TLL1: variants seen among roughly 807,000 people sequenced by gnomAD.
TLL1 encodes the protein tolloid like 1, also known as tolloid-like protein 1.
In TLL1, 49 loss-of-function variants were observed where a neutral mutation model predicts 128.2. The ratio of observed to expected loss-of-function variants is 0.38; its 90% confidence interval spans 0.30 to 0.48. The LOEUF is 0.48. Among genes scored for constraint, TLL1 ranks in the 20% least tolerant of loss-of-function variants. The probability of loss-of-function intolerance (pLI) is 0.96; values close to 1 mark genes in which losing one functional copy is unlikely to be tolerated. For synonymous variants in TLL1, 454 were observed against 418.8 expected, an observed-to-expected ratio of 1.08 and a Z score of -1.03; for missense variants, 1,123 against 1,242.0, an observed-to-expected ratio of 0.90 and a Z score of 1.44.
intron 1 of TLL1, among the ~76,000 whole-genome samples, chr4:165,976,377 C>T (rs1735886868): frequency 6.6e-6 from 1 of 152,102 alleles, no homozygotes; most frequent in African/African-American, 2.4e-5. Flanking sequence ...TAGAAATAAA[C>T]TTAACAAGGC....
At chr4:166,044,514 C>A in intron 12 of TLL1, 4 of 1,158,552 alleles carry the variant, frequency 3.5e-6, no homozygotes, top group Admixed American at 2.2e-5. Flanking sequence ...CTTTTGTTAC[C>A]AAAAAAATAT....
chr4:165,934,800 C>G (rs116463316), intron 1 of TLL1, among the ~76,000 whole-genome samples: 2 of 152,020 alleles, frequency 1.3e-5, no homozygotes, highest in African/African-American at 4.8e-5. Flanking sequence ...TCACAATGGC[C>G]GTAGGATTCC....
intron 1 of TLL1, among the ~76,000 whole-genome samples, chr4:165,957,534 G>T (rs1336287566): frequency 6.6e-6 from 1 of 151,132 alleles, no homozygotes; most frequent in African/African-American, 2.4e-5. Flanking sequence ...ATAAGTTATT[G>T]GGGTACAGGT....
intron 1 of TLL1, among the ~76,000 whole-genome samples, chr4:165,980,184 C>A (rs1388556331): frequency 1.3e-5 from 2 of 151,038 alleles, no homozygotes; most frequent in Non-Finnish European, 2.9e-5. Flanking sequence ...ATATGTTGGG[C>A]AGACACTCTG....
At chr4:166,059,222 CACAT>C (rs1323199635) in intron 14 of TLL1, among the ~76,000 whole-genome samples, 2 of 151,728 alleles carry the variant, frequency 1.3e-5, no homozygotes, top group African/African-American at 2.4e-5. Context: ...CACACACACA[CACAT>C]ACACGTGCAC....
At chr4:166,090,479 C>T (rs1741713895) in intron 18 of TLL1, among the ~76,000 whole-genome samples, 1 of 151,920 alleles carries the variant, frequency 6.6e-6, no homozygotes, top group Non-Finnish European at 1.5e-5. Context: ...TAAATAAGAG[C>T]AAAGCATTCA....
chr4:165,958,114 T>C (rs1734899466), intron 1 of TLL1, among the ~76,000 whole-genome samples: 1 of 144,374 alleles, frequency 6.9e-6, no homozygotes, highest in Admixed American at 7.0e-5. Context: ...CTATCATTGT[T>C]GGACATTTGG....
chr4:166,042,181 T>C, intron 11 of TLL1, 38 bp downstream of exon 11: 1 of 1,286,856 alleles, frequency 7.8e-7, no homozygotes, highest in Non-Finnish European at 1.1e-6. Context: ...GTTCATCTTA[T>C]ATCTCAACAG....
At chr4:166,012,993 G>C (rs1265949326) in intron 7 of TLL1, among the ~76,000 whole-genome samples, 3 of 151,764 alleles carry the variant, frequency 2.0e-5, no homozygotes. Context: ...TGTCCTCAGA[G>C]TAAAAGTTAA....
chr4:165,993,776 C>T (rs1490474077), intron 3 of TLL1, among the ~76,000 whole-genome samples: 1 of 152,030 alleles, frequency 6.6e-6, no homozygotes, highest in Non-Finnish European at 1.5e-5. Context: ...GCATTTTGTT[C>T]GTGTTGTGTA....
intron 1 of TLL1, among the ~76,000 whole-genome samples, chr4:165,951,261 C>G (rs767621709): frequency 3.9e-4 from 60 of 152,158 alleles, no homozygotes; most frequent in Non-Finnish European, 6.3e-4. Flanking sequence ...TAAAATCTTA[C>G]AAACAGAGAA....
At chr4:165,913,513 G>T (rs1732640114) in intron 1 of TLL1, among the ~76,000 whole-genome samples, 1 of 152,134 alleles carries the variant, frequency 6.6e-6, no homozygotes, top group Admixed American at 6.5e-5. Flanking sequence ...AGGTATGAAG[G>T]TCTAGTTGAA....
At chr4:165,954,951 T>A (rs1734711161) in intron 1 of TLL1, among the ~76,000 whole-genome samples, 3 of 152,056 alleles carry the variant, frequency 2.0e-5, no homozygotes, top group Admixed American at 1.3e-4. Flanking sequence ...CAGCAATGGT[T>A]CCTAACCAGA....
At chr4:165,959,604 C>G (rs1665746091) in intron 1 of TLL1, among the ~76,000 whole-genome samples, 1 of 152,050 alleles carries the variant, frequency 6.6e-6, no homozygotes, top group African/African-American at 2.4e-5. Flanking sequence ...TAAAACAAGT[C>G]TCAATAAATT....
rs778392264 is a variant in TLL1, at chr4:165,989,432, A to G, written c.221A>G (p.Gln74Arg). ...ALDDEDLNIF[Q>R]IDRTIDLTQN... ...GATGATGAAGACTTAAATATCTTTC[A>G]AATAGATAGGACAATTGACCTTACG... Residue 74 changes from glutamine to arginine, a missense_variant, in exon 2 of 21, where the codon CAA (glutamine) becomes CGA (arginine). Around this residue, in one of 3 missense-constraint regions of TLL1, gnomAD observed 480 missense variants for 542.4 expected, o/e 0.89. Coordinates refer to ENST00000061240, the MANE Select transcript of TLL1 (RefSeq NM_012464.5). The G allele has an allele frequency of 2.5e-6, 4 of 1,613,022 alleles. No individual in the cohort carries two copies.
intron 1 of TLL1, among the ~76,000 whole-genome samples, chr4:165,887,909 A>G (rs529427980): frequency 6.6e-6 from 1 of 151,904 alleles, no homozygotes; most frequent in Non-Finnish European, 1.5e-5. Flanking sequence ...TTATTTTTTG[A>G]TGATATAATG....
intron 10 of TLL1, among the ~76,000 whole-genome samples, chr4:166,040,241 T>G (rs749485439): frequency 2.0e-5 from 3 of 152,210 alleles, no homozygotes; most frequent in Non-Finnish European, 2.9e-5. Flanking sequence ...ACCTACTGAA[T>G]GGGCACAATT....
chr4:165,885,043 T>C (rs1731108942), intron 1 of TLL1, among the ~76,000 whole-genome samples: 1 of 152,148 alleles, frequency 6.6e-6, no homozygotes, highest in Non-Finnish European at 1.5e-5. Context: ...GGTGAATCTT[T>C]ATTCTTTTTA....
At position 165,948,797 on chromosome 4, in the gene TLL1, C is replaced by G. The variant is rs1024636307; in HGVS notation, c.170-40584C>G. On this transcript the variant is annotated intron_variant, in intron 1 of 20. Transcript: ENST00000061240. ...AAGGGTTTTGGAGGGGAAAAACATT[C>G]AAAGCATAGCAGTGCTCTTGGAAAC... 1.1e-4 allele frequency among the ~76,000 whole-genome samples: 16 copies of G among 152,166 alleles called. 1 individual carries two copies. Among genetic ancestry groups the G allele is most frequent in the South Asian group, 4.1e-4 (2 of 4,820 alleles).
Sources: allele counts gnomAD v4.1 joint callset (sites outside exome capture counted in the v4.1 genomes callset), GRCh38; gene constraint gnomAD v4.1.1; regional missense constraint gnomAD v4.1.1; transcripts MANE v1.5; gene names NCBI Gene and HGNC (gene_info 2026-07-23, HGNC 2026-07-21).